The following UNC119B variants were observed in gnomAD, a reference collection of about 807,000 sequenced individuals.
The protein encoded by UNC119B is protein unc-119 homolog B.
Under a neutral mutation model 23.4 loss-of-function variants are expected in UNC119B, and 16 were observed. The observed-to-expected ratio is 0.68, with a 90% CI of 0.46 to 1.04. UNC119B has a LOEUF of 1.04. UNC119B is among the 50% of genes least tolerant of loss of function. The probability of loss-of-function intolerance (pLI) is 0.00; values close to 1 mark genes in which losing one functional copy is unlikely to be tolerated. For synonymous variants in UNC119B, 144 were observed against 145.4 expected (o/e 0.99, Z 0.07); for missense variants, 350 against 361.3 (o/e 0.97, Z 0.25).
rs55906857 is a variant in UNC119B, at chr12:120,715,521, C to CTTTTTTT, written c.359-1084_359-1078dup. 5.3e-4 allele frequency among the ~76,000 whole-genome samples: 38 copies of CTTTTTTT among 71,514 alleles called. 2 individuals carry two copies. The East Asian group carries it at 9.1e-3, about 17-fold the overall frequency. The allele number at this position is 71,514 out of a possible 152,430, so 46.9% of individuals were successfully genotyped here. On this transcript the variant is annotated intron_variant, in intron 2 of 4. Transcript: ENST00000344651. ...ACATTAGAATGCTTGTTCTCTGATT[C>CTTTTTTT]TTTTTTTTTTTTTTTTTTTTTTTTT...
rs1882795920 is a variant in UNC119B at position 120,717,036 on chromosome 12, G to A, written c.637G>A (p.Asp213Asn). 2 of 1,590,182 alleles carry A rather than the reference G, an allele frequency of 1.3e-6. No individual in the cohort carries two copies. Among genetic ancestry groups the A allele is most frequent in the Admixed American group, 1.7e-5 (1 of 57,962 alleles). Residue 213 changes from aspartate (D) to asparagine (N), a missense_variant, in exon 4 of 5, where the codon GAT (aspartate) becomes AAT (asparagine). Physicochemically the swap from Asp to Asn is conservative, Grantham distance 23. Transcript: ENST00000344651. Reference protein sequence around the residue: ...HIYEFPQLSEDVIRLMIENPY... With the variant: ...HIYEFPQLSENVIRLMIENPY... ...CTATGAGTTTCCCCAGCTTTCGGAG[G>A]ATGTCAGTATGTATCCCCTGACCCT...
intron 4 of UNC119B, 118 bp downstream of exon 4, chr12:120,717,160 T>C: frequency 1.0e-6 from 1 of 1,004,214 alleles, no homozygotes; most frequent in Non-Finnish European, 1.4e-6. Flanking sequence ...ACATGATGCG[T>C]ATCTAGTCAT....
chr12:120,714,600 G>T (rs1361855326), intron 2 of UNC119B, among the ~76,000 whole-genome samples: 1 of 152,096 alleles, frequency 6.6e-6, no homozygotes, highest in Non-Finnish European at 1.5e-5. Flanking sequence ...TTACAAGCGT[G>T]AGCCACCGCG....
chr12:120,710,572 G>A lies in UNC119B; in HGVS notation c.98G>A (p.Gly33Asp). 7.1e-7 allele frequency: 1 copy of A among 1,400,598 alleles called. No individual in the cohort carries two copies. Among genetic ancestry groups the A allele is most frequent in the African/African-American group, 1.5e-5 (1 of 66,198 alleles). 86.8% of individuals were successfully genotyped at this position (1,400,598 alleles called of 1,614,324 possible). The change falls in exon 1 of 5, where the codon GGC becomes GAC. Residue 33 changes from glycine (G) to aspartate (D), a missense_variant. Transcript: ENST00000344651. ...GAGGAGAAGAAGAAGGCGGGCGGCG[G>A]CGTCCTGAACCGCCTGAAGGCGCGG... ...GKEEKKKAGG[G>D]VLNRLKARRQ... is the part of the protein sequence containing the mutation.
At chr12:120,717,083 G>T in intron 4 of UNC119B, 41 bp downstream of exon 4, 1 of 1,519,730 alleles carries the variant, frequency 6.6e-7, no homozygotes, top group Non-Finnish European at 8.8e-7. Flanking sequence ...AGATTCTGAG[G>T]GCTACAAGGA....
At position 120,720,030 on chromosome 12, in the gene UNC119B, T is replaced by G. The variant is rs1566020957; in HGVS notation, c.754T>G (p.Ter252GluextTer5). ...TGATTATGCCTATAATGGAGGCCAG[T>G]AAGTGCTGCAAGAGTAGATAGGGGA... is the stretch of plus-strand genomic sequence containing the variant. ...KADYAYNGGQ[*>E] Residue 252 changes from the stop codon to glutamate, a stop_lost, in exon 5 of 5, where the codon TAA (stop) becomes GAA (glutamate). Transcript: ENST00000344651. The G allele has an allele frequency of 1.2e-6, 2 of 1,610,758 alleles. No individual in the cohort carries two copies. The highest frequency in any genetic ancestry group is 1.3e-5 in the African/African-American group (1 of 74,944).
At chr12:120,712,629 G>GA (rs963346238) in intron 1 of UNC119B, among the ~76,000 whole-genome samples, 2 of 152,124 alleles carry the variant, frequency 1.3e-5, no homozygotes, top group African/African-American at 2.4e-5. Flanking sequence ...TTAAATGGTT[G>GA]AAAAAAACTT....
Position 120,710,513 on chromosome 12 carries a change from G to T in UNC119B, c.39G>T (p.Ser13=). Residue 13 remains serine (S), a synonymous_variant, in exon 1 of 5, where the codon TCG becomes TCT. Coordinates refer to ENST00000344651, the MANE Select transcript of UNC119B (RefSeq NM_001080533.3). ...GSNPKAAAAA[S]AAGPGGLVAG... ...ACCCGAAGGCTGCGGCCGCGGCGTCGGCGGCTGGGCCCGGGGGGCTGGTGG... is the reference window on the plus strand; with the variant it reads ...ACCCGAAGGCTGCGGCCGCGGCGTCTGCGGCTGGGCCCGGGGGGCTGGTGG... The T allele has an allele frequency of 1.5e-6, 2 of 1,363,180 alleles. No individual in the cohort carries two copies. The highest frequency in any genetic ancestry group is 1.8e-5 in the South Asian group (1 of 56,542). 84.4% of individuals were successfully genotyped at this position (1,363,180 alleles called of 1,614,324 possible).
Position 120,710,507 on chromosome 12 carries a change from G to C in UNC119B, c.33G>C (p.Ala11=). The change falls in exon 1 of 5, where the codon GCG becomes GCC. Residue 11 remains alanine (A), a synonymous_variant. Transcript: ENST00000344651. ...GGTCTAACCCGAAGGCTGCGGCCGC[G>C]GCGTCGGCGGCTGGGCCCGGGGGGC... is the stretch of plus-strand genomic sequence containing the variant. The part of the protein sequence containing the change: MSGSNPKAAA[A]ASAAGPGGLV... The C allele has an allele frequency of 7.4e-7, 1 of 1,360,116 alleles. No individual in the cohort carries two copies. The highest frequency in any genetic ancestry group is 9.4e-7 in the Non-Finnish European group (1 of 1,063,666). 84.3% of individuals were successfully genotyped at this position (1,360,116 alleles called of 1,614,324 possible). A position where few individuals can be genotyped will look rare whatever the true frequency, so the allele number is the denominator to read the frequency against.
chr12:120,716,829 G>C, intron 3 of UNC119B, 41 bp from the exon 4 acceptor site: 2 of 1,605,694 alleles, frequency 1.2e-6, no homozygotes, highest in Non-Finnish European at 8.5e-7. Flanking sequence ...CTTTAGAGGA[G>C]GGAGGAGGCA....
In UNC119B at chr12:120,713,431, A is replaced by G. The variant is rs376412811; in HGVS notation, c.358+44A>G. 2.0e-5 allele frequency: 29 copies of G among 1,447,860 alleles called. No homozygotes were observed. In the African/African-American group the frequency reaches 4.1e-4, roughly 20 times the overall value. 89.7% of individuals were successfully genotyped at this position (1,447,860 alleles called of 1,614,324 possible). On this transcript the variant is annotated intron_variant, in intron 2 of 4. Transcript: ENST00000344651. ...GTGACCACTAGACAGTTTTGAGCCA[A>G]AGGTCTTTGAAACTCAAATCTTTGT...
chr12:120,712,798 C>T (rs1318152353), intron 1 of UNC119B, among the ~76,000 whole-genome samples: 3 of 152,156 alleles, frequency 2.0e-5, no homozygotes, highest in East Asian at 1.9e-4. Flanking sequence ...GACCATGTGG[C>T]GGCAAAGCCT....
chr12:120,711,868 C>G (rs1882678305), intron 1 of UNC119B: 1 of 152,240 alleles, frequency 6.6e-6, no homozygotes, highest in Non-Finnish European at 1.5e-5. Flanking sequence ...TAATTTGATT[C>G]TAGATATTTG....
chr12:120,713,317 C>T lies in UNC119B; in HGVS notation c.288C>T (p.Phe96=), dbSNP rs753865421. 66 of 1,614,002 alleles carry T rather than the reference C, an allele frequency of 4.1e-5. No individual in the cohort carries two copies. The highest frequency in any genetic ancestry group is 5.0e-5 in the Non-Finnish European group (59 of 1,179,954). The stretch of plus-strand genomic sequence containing the variant: ...AAGACAACATCTACAGTATTGATTT[C>T]ACCCGCTTCAAAATTCGAGATTTGG... ...KPEDNIYSID[F]TRFKIRDLET... is the part of the protein sequence containing the mutation. Residue 96 remains phenylalanine (F), a synonymous_variant, in exon 2 of 5, where the codon TTC becomes TTT. Transcript: ENST00000344651.
At chr12:120,715,237 CA>C (rs975478145) in intron 2 of UNC119B, among the ~76,000 whole-genome samples, 18 of 152,170 alleles carry the variant, frequency 1.2e-4, no homozygotes, top group African/African-American at 4.3e-4. Context: ...CACACTGAAT[CA>C]CTACCTTTCT....
At chr12:120,715,756 C>T (rs1219177974) in intron 2 of UNC119B, among the ~76,000 whole-genome samples, 1 of 152,136 alleles carries the variant, frequency 6.6e-6, no homozygotes, top group East Asian at 1.9e-4. Context: ...TGGTCTTGAA[C>T]TCCTGACCTC....
intron 1 of UNC119B, 85 bp from the exon 2 acceptor site, chr12:120,713,189 G>T: frequency 8.7e-7 from 1 of 1,146,046 alleles, no homozygotes; most frequent in South Asian, 1.5e-5. Context: ...GAAAAAATCT[G>T]AGTTTGCTTC....
Position 120,723,604 on chromosome 12 carries a change from C to T in UNC119B, c.*3572C>T, listed in dbSNP as rs1024110292. On this transcript the variant is annotated 3_prime_UTR_variant, in exon 5 of 5. Transcript: ENST00000344651. ...TTATTTGTATAAAATGTTATTTTGCCACATGAGACAGTAATAAAAGAAAGA... is the reference window on the plus strand; with the variant it reads ...TTATTTGTATAAAATGTTATTTTGCTACATGAGACAGTAATAAAAGAAAGA... The T allele has an allele frequency of 2.0e-5, 3 of 151,956 alleles. No individual in the cohort carries two copies. Among genetic ancestry groups the T allele is most frequent in the African/African-American group, 7.3e-5 (3 of 41,340 alleles). 9.4% of individuals were successfully genotyped at this position (151,956 alleles called of 1,614,324 possible).
chr12:120,719,453 G>A (rs1272452364), intron 4 of UNC119B, among the ~76,000 whole-genome samples: 1 of 152,174 alleles, frequency 6.6e-6, no homozygotes, highest in African/African-American at 2.4e-5. Flanking sequence ...GGTTTCCTTG[G>A]GTTGTCAGGG....
Sources: allele counts gnomAD v4.1 joint callset (sites outside exome capture counted in the v4.1 genomes callset), GRCh38; gene constraint gnomAD v4.1.1; transcripts MANE v1.5; gene names NCBI Gene and HGNC (gene_info 2026-07-23, HGNC 2026-07-21).